The following CDK14 variants were observed in gnomAD, a reference collection of about 807,000 sequenced individuals.
The protein encoded by CDK14 is cyclin dependent kinase 14.
CDK14 carries 34 observed loss-of-function variants against 60.7 expected under a neutral mutation model. The observed-to-expected ratio is 0.56, with a 90% CI of 0.43 to 0.75. The LOEUF (loss-of-function observed/expected upper bound fraction) is 0.75. Among genes scored for constraint, CDK14 ranks in the 30% least tolerant of loss-of-function variants. CDK14 has a pLI of 0.00. For synonymous variants in CDK14, 197 were observed against 203.7 expected, an observed-to-expected ratio of 0.97 and a Z score of 0.28; for missense variants, 482 against 564.1, an observed-to-expected ratio of 0.85 and a Z score of 1.47.
At chr7:90,891,740 CA>C (rs1378362787) in intron 6 of CDK14, among the ~76,000 whole-genome samples, 2 of 152,212 alleles carry the variant, frequency 1.3e-5, no homozygotes, top group African/African-American at 4.8e-5. Flanking sequence ...CACATTTTGG[CA>C]GTGCTCCTGA....
chr7:90,640,008 C>G (rs1409126592), intron 2 of CDK14, among the ~76,000 whole-genome samples: 1 of 152,134 alleles, frequency 6.6e-6, no homozygotes, highest in Non-Finnish European at 1.5e-5. Flanking sequence ...CCTGATTTTC[C>G]ACGTGCTGTC....
Position 91,058,694 on chromosome 7 carries a change from GC to G in CDK14, c.1105+12735del, listed in dbSNP as rs750228468. On this transcript the variant is annotated intron_variant, in intron 11 of 14. Transcript: ENST00000380050. Reference sequence around the variant, plus strand: ...TTTTTGTCATTGGTTCTGTTTATATGCTGGATTACATTTATTGATTTGCATA... The same window carrying G: ...TTTTTGTCATTGGTTCTGTTTATATGTGGATTACATTTATTGATTTGCATA... 2.3e-4 allele frequency among the ~76,000 whole-genome samples: 35 copies of G among 152,268 alleles called. No individual in the cohort carries two copies. The Middle Eastern group carries it at 0.014, about 59-fold the overall frequency.
chr7:90,750,110 A>G (rs2116818836), intron 4 of CDK14, among the ~76,000 whole-genome samples: 1 of 150,394 alleles, frequency 6.6e-6, no homozygotes, highest in South Asian at 2.1e-4. Context: ...CATTCTCTGC[A>G]GTTGCAACAC....
At chr7:90,612,876 G>T (rs546474327) in intron 2 of CDK14, among the ~76,000 whole-genome samples, 2 of 151,814 alleles carry the variant, frequency 1.3e-5, no homozygotes, top group East Asian at 3.9e-4. Context: ...TTCCATGCAA[G>T]AGGTCTAAAA....
At chr7:91,010,829 C>CTTCCTTCCTTCT (rs1199154651) in intron 10 of CDK14, among the ~76,000 whole-genome samples, 6 of 74,822 alleles carry the variant, frequency 8.0e-5, no homozygotes, top group African/African-American at 2.6e-4. Context: ...TCCTTCCTTC[C>CTTCCTTCCTTCT]TTCCTCCCTC....
intron 14 of CDK14, among the ~76,000 whole-genome samples, chr7:91,182,842 A>G (rs1418857740): frequency 1.3e-5 from 2 of 152,214 alleles, no homozygotes; most frequent in African/African-American, 4.8e-5. Flanking sequence ...ACGTGAGATT[A>G]TTTGGAGACT....
At chr7:90,668,640 T>C (rs1385990808) in intron 2 of CDK14, among the ~76,000 whole-genome samples, 1 of 151,600 alleles carries the variant, frequency 6.6e-6, no homozygotes, top group Non-Finnish European at 1.5e-5. Context: ...TTTTAGGTCT[T>C]ACATTTAGGT....
intron 10 of CDK14, among the ~76,000 whole-genome samples, chr7:91,005,197 C>T (rs537998117): frequency 5.3e-5 from 8 of 152,190 alleles, no homozygotes; most frequent in Admixed American, 2.0e-4. Context: ...AGGAAATCCC[C>T]TCCTGGGTTC....
chr7:90,788,504 C>T (rs1805694390), intron 4 of CDK14, among the ~76,000 whole-genome samples: 1 of 152,162 alleles, frequency 6.6e-6, no homozygotes, highest in African/African-American at 2.4e-5. Context: ...GCAGGCCTGT[C>T]CTGTCTGCTA....
chr7:90,612,361 T>G (rs1013051017), intron 2 of CDK14, among the ~76,000 whole-genome samples: 2 of 152,178 alleles, frequency 1.3e-5, no homozygotes, highest in Non-Finnish European at 2.9e-5. Context: ...AGGCTGGATA[T>G]GGTCTCAGCC....
intron 2 of CDK14, among the ~76,000 whole-genome samples, chr7:90,626,528 A>G (rs1206504835): frequency 6.6e-6 from 1 of 152,246 alleles, no homozygotes; most frequent in Non-Finnish European, 1.5e-5. Context: ...TCTATAGATT[A>G]TAATCTAAAC....
chr7:90,975,459 C>T (rs1795040855), intron 9 of CDK14, among the ~76,000 whole-genome samples: 1 of 151,604 alleles, frequency 6.6e-6, no homozygotes, highest in Admixed American at 6.6e-5. Context: ...CATATAAAAA[C>T]ATTTATCATT....
chr7:90,852,246 A>G (rs2117183688), intron 5 of CDK14, among the ~76,000 whole-genome samples: 1 of 152,304 alleles, frequency 6.6e-6, no homozygotes, highest in East Asian at 1.9e-4. Context: ...CCCTAGTATC[A>G]AGGAGATTTA....
intron 8 of CDK14, among the ~76,000 whole-genome samples, chr7:90,931,978 C>T (rs1487902506): frequency 6.6e-6 from 1 of 151,956 alleles, no homozygotes; most frequent in Non-Finnish European, 1.5e-5. Context: ...TTTTTGTTGA[C>T]AATTTACAAG....
chr7:91,178,961 T>C (rs1801885608), intron 14 of CDK14, among the ~76,000 whole-genome samples: 1 of 152,192 alleles, frequency 6.6e-6, no homozygotes, highest in South Asian at 2.1e-4. Context: ...TTACTGGGTA[T>C]ATACCAAAGG....
At chr7:90,930,117 T>G (rs776012658) in intron 8 of CDK14, among the ~76,000 whole-genome samples, 23 of 152,080 alleles carry the variant, frequency 1.5e-4, no homozygotes, top group Non-Finnish European at 3.1e-4. Context: ...ATTTTGGTAG[T>G]GTTTTTTTTT....
intron 10 of CDK14, among the ~76,000 whole-genome samples, chr7:90,985,574 A>G (rs796521938): frequency 6.6e-6 from 1 of 152,344 alleles, no homozygotes; most frequent in African/African-American, 2.4e-5. Flanking sequence ...CAACGTTTAA[A>G]TACAGCTATC....
chr7:91,134,459 T>C (rs1204736523), intron 14 of CDK14, among the ~76,000 whole-genome samples: 2 of 146,280 alleles, frequency 1.4e-5, no homozygotes, highest in Non-Finnish European at 3.1e-5. Context: ...TTCTTGACCT[T>C]ATATATTTCT....
chr7:90,937,698 T>C (rs1400907216), intron 8 of CDK14, among the ~76,000 whole-genome samples: 1 of 152,172 alleles, frequency 6.6e-6, no homozygotes, highest in African/African-American at 2.4e-5. Context: ...CTACACAAAA[T>C]CTGTTGTTTC....
Sources: gnomAD v4.1 joint callset for allele counts (sites outside exome capture counted in the v4.1 genomes callset) on GRCh38, gnomAD v4.1.1 for gene constraint, MANE v1.5 for transcripts, NCBI Gene and HGNC (gene_info 2026-07-23, HGNC 2026-07-21) for gene names.